The following NAALADL2 variants were observed in gnomAD, a reference collection of about 807,000 sequenced individuals.
The protein encoded by NAALADL2 is inactive N-acetylated-alpha-linked acidic dipeptidase-like protein 2.
In NAALADL2, 76 loss-of-function variants were observed where a neutral mutation model predicts 87.2. That is an observed-to-expected ratio of 0.87 (90% CI 0.72 to 1.05). The LOEUF is 1.05. Among genes scored for constraint, NAALADL2 ranks in the 50% least tolerant of loss-of-function variants. The pLI is 0.00. For synonymous variants in NAALADL2, 354 were observed against 331.0 expected (o/e 1.07, Z -0.75); for missense variants, 1,089 against 945.8 (o/e 1.15, Z -1.99).
intron 9 of NAALADL2, among the ~76,000 whole-genome samples, chr3:175,514,323 T>C (rs769617156): frequency 4.3e-4 from 66 of 152,302 alleles, no homozygotes; most frequent in Middle Eastern, 3.4e-3. Flanking sequence ...GGAAAATGTA[T>C]AGGTTTATTA....
intron 4 of NAALADL2, among the ~76,000 whole-genome samples, chr3:175,284,042 G>C (rs11929136): frequency 1.7e-3 from 257 of 152,124 alleles, no homozygotes; most frequent in Admixed American, 2.9e-3. Flanking sequence ...CAAAAAACTC[G>C]TGTCTTTGCT....
chr3:175,787,185 C>A (rs1349254540), intron 13 of NAALADL2, among the ~76,000 whole-genome samples: 2 of 152,192 alleles, frequency 1.3e-5, no homozygotes, highest in Non-Finnish European at 2.9e-5. Context: ...GCCCTGCCCC[C>A]AGAGGTGGAG....
Position 175,035,405 on chromosome 3 carries a change from ATCAGTAGGAGAGC to A in NAALADL2, c.44-61384_44-61372del, listed in dbSNP as rs1185855665. On this transcript the variant is annotated intron_variant, in intron 1 of 13. Coordinates refer to ENST00000454872, the MANE Select transcript of NAALADL2 (RefSeq NM_207015.3). Reference sequence around the variant, plus strand: ...ACATTAGTCAGCAGGTCAGGGTGCCATCAGTAGGAGAGCAATATAAGATAAGACCAAATGTGGA... The same window carrying A: ...ACATTAGTCAGCAGGTCAGGGTGCCAAATATAAGATAAGACCAAATGTGGA... Among the ~76,000 whole-genome samples, 39 of 152,276 alleles carry A rather than the reference ATCAGTAGGAGAGC, an allele frequency of 2.6e-4. No homozygotes were observed. The South Asian group carries it at 8.1e-3, about 32-fold the overall frequency.
chr3:174,470,884 T>C (rs1243188055), intron 1 of NAALADL2, among the ~76,000 whole-genome samples: 1 of 152,180 alleles, frequency 6.6e-6, no homozygotes, highest in Non-Finnish European at 1.5e-5. Context: ...ATTGATTCTG[T>C]AATTTGTTTT....
chr3:174,898,422 AGACT>A (rs947546417), intron 1 of NAALADL2, among the ~76,000 whole-genome samples: 134 of 151,856 alleles, frequency 8.8e-4, no homozygotes, highest in African/African-American at 2.8e-3. Flanking sequence ...AGAATGAATA[AGACT>A]GACTATTTGA....
intron 3 of NAALADL2, among the ~76,000 whole-genome samples, chr3:175,252,373 A>G (rs1000204776): frequency 6.6e-6 from 1 of 152,094 alleles, no homozygotes; most frequent in Non-Finnish European, 1.5e-5. Flanking sequence ...ACCATTGTCC[A>G]TTGTTATTAT....
chr3:175,750,590 T>C (rs187231656), intron 12 of NAALADL2, among the ~76,000 whole-genome samples: 32 of 152,276 alleles, frequency 2.1e-4, no homozygotes, highest in Admixed American at 1.8e-3. Flanking sequence ...ATTAATAATG[T>C]TTAAAAATGG....
chr3:174,950,614 T>G (rs911624504), intron 1 of NAALADL2, among the ~76,000 whole-genome samples: 3 of 150,580 alleles, frequency 2.0e-5, no homozygotes, highest in Non-Finnish European at 2.9e-5. Context: ...GTTCAAAGCC[T>G]TTTTTTAAAA....
intron 2 of NAALADL2, among the ~76,000 whole-genome samples, chr3:175,179,887 A>G (rs1253274122): frequency 1.3e-5 from 2 of 152,056 alleles, no homozygotes; most frequent in African/African-American, 4.8e-5. Context: ...ACTATTTCTG[A>G]CAATCATTGT....
chr3:174,697,869 A>G (rs1318955467), intron 2 of NAALADL2, among the ~76,000 whole-genome samples: 2 of 152,132 alleles, frequency 1.3e-5, no homozygotes, highest in Non-Finnish European at 2.9e-5. Context: ...AGGTGGGTGG[A>G]TCACGAAGTC....
Position 175,498,809 on chromosome 3 carries a change from G to A in NAALADL2, c.1653+27051G>A, listed in dbSNP as rs534285994. Among the ~76,000 whole-genome samples, 34 of 152,100 alleles carry A rather than the reference G, an allele frequency of 2.2e-4. 1 individual carries two copies. The South Asian group carries it at 6.8e-3, about 31-fold the overall frequency. On this transcript the variant is annotated intron_variant, in intron 9 of 13. Coordinates refer to ENST00000454872, the MANE Select transcript of NAALADL2 (RefSeq NM_207015.3). ...GTCCTAACCCACAGTACCCCAGAAT[G>A]TGACTGTATTTAGATAGGGTCTTTA...
intron 2 of NAALADL2, among the ~76,000 whole-genome samples, chr3:175,214,971 C>T (rs983129211): frequency 1.3e-5 from 2 of 152,110 alleles, no homozygotes; most frequent in Non-Finnish European, 2.9e-5. Flanking sequence ...TACTAATTCA[C>T]TACATGTTTA....
intron 10 of NAALADL2, among the ~76,000 whole-genome samples, chr3:175,599,579 T>A (rs958470445): frequency 6.6e-6 from 1 of 152,116 alleles, no homozygotes; most frequent in African/African-American, 2.4e-5. Flanking sequence ...TTTCTCCAAC[T>A]CTAAGTTATA....
intron 1 of NAALADL2, among the ~76,000 whole-genome samples, chr3:174,995,278 G>A (rs571357488): frequency 3.9e-5 from 6 of 152,020 alleles, no homozygotes; most frequent in Admixed American, 6.6e-5. Context: ...CAAAGGCATC[G>A]GGTAGATTAT....
At chr3:175,616,205 A>G (rs1431092487) in intron 10 of NAALADL2, among the ~76,000 whole-genome samples, 1 of 148,102 alleles carries the variant, frequency 6.8e-6, no homozygotes, top group Non-Finnish European at 1.5e-5. Flanking sequence ...AATCATATTC[A>G]AAATATATAC....
At chr3:174,510,845 T>C (rs1044860330) in intron 1 of NAALADL2, among the ~76,000 whole-genome samples, 1 of 151,928 alleles carries the variant, frequency 6.6e-6, no homozygotes, top group African/African-American at 2.4e-5. Context: ...TTTAAGCCTA[T>C]TTACTTCTAA....
At chr3:175,425,266 A>C (rs2149137959) in intron 5 of NAALADL2, among the ~76,000 whole-genome samples, 1 of 152,232 alleles carries the variant, frequency 6.6e-6, no homozygotes, top group South Asian at 2.1e-4. Flanking sequence ...ACATACAAAT[A>C]GAGGTATATG....
rs568205166 is a variant in NAALADL2, at chr3:175,809,450, A to AT, written c.*6256dup. 30,380 of 143,168 alleles carry AT rather than the reference A, an allele frequency of 0.21. 4,335 individuals are homozygous for AT. The highest frequency in any genetic ancestry group is 0.4 in the African/African-American group (15,028 of 38,016). 8.9% of individuals were successfully genotyped at this position (143,168 alleles called of 1,614,324 possible). On this transcript the variant is annotated 3_prime_UTR_variant, in exon 14 of 14. Transcript: ENST00000454872. ...CTTTCTAGAACACTGTGCAGGACTA[A>AT]TTTTTTTTTAATAGACATCCAGAAA...
intron 10 of NAALADL2, among the ~76,000 whole-genome samples, chr3:175,618,263 G>A (rs1261703798): frequency 6.6e-6 from 1 of 152,120 alleles, no homozygotes; most frequent in African/African-American, 2.4e-5. Flanking sequence ...CTTTAATGGG[G>A]ACATATTCAC....
Sources: allele counts gnomAD v4.1 joint callset (sites outside exome capture counted in the v4.1 genomes callset), GRCh38; gene constraint gnomAD v4.1.1; transcripts MANE v1.5; gene names NCBI Gene and HGNC (gene_info 2026-07-23, HGNC 2026-07-21).